Variants in RPS6KA6 observed in about 807,000 individuals in gnomAD.
The protein encoded by RPS6KA6 is ribosomal protein S6 kinase A6.
Under a neutral mutation model 65.4 loss-of-function variants are expected in RPS6KA6, and 27 were observed. The observed-to-expected ratio is 0.41, with a 90% confidence interval of 0.30 to 0.57. The LOEUF (loss-of-function observed/expected upper bound fraction) is 0.57. Ranked by LOEUF, RPS6KA6 falls within the 20% of genes least tolerant of loss-of-function variation. The pLI, the probability that RPS6KA6 is intolerant of heterozygous loss-of-function variation, is 0.24. For missense variants in RPS6KA6, 486 were observed against 555.6 expected (o/e 0.87, Z 1.26); for synonymous variants, 190 against 184.2 (o/e 1.03, Z -0.26).
In RPS6KA6 at chrX:84,156,056, G is replaced by C; in HGVS notation, c.258+19C>G. Reference sequence around the variant, plus strand: ...AATGTTTAGAAGAGGAACAAATGGGGAAAAAAATTATTCATTACCTTTCCA... The same window carrying C: ...AATGTTTAGAAGAGGAACAAATGGGCAAAAAAATTATTCATTACCTTTCCA... On this transcript the variant is annotated intron_variant, in intron 3 of 21. Coordinates refer to ENST00000262752, the MANE Select transcript of RPS6KA6 (RefSeq NM_014496.5). 1 of 987,135 alleles carries C rather than the reference G, an allele frequency of 1.0e-6. No homozygotes were observed. The highest frequency in any genetic ancestry group is 1.4e-6 in the Non-Finnish European group (1 of 696,651). 81.4% of individuals were successfully genotyped at this position (987,135 alleles called of 1,213,427 possible).
chrX:84,138,664 T>C (rs1401719076), intron 6 of RPS6KA6, among the ~76,000 whole-genome samples: 1 of 112,614 alleles, frequency 8.9e-6, no homozygotes, highest in Non-Finnish European at 1.9e-5. Flanking sequence ...GTGGCTTTAT[T>C]TGGAATTTTG....
intron 20 of RPS6KA6, among the ~76,000 whole-genome samples, chrX:84,067,562 G>A (rs1325387530): frequency 1.8e-5 from 2 of 111,754 alleles, no homozygotes; most frequent in African/African-American, 6.5e-5. Context: ...AAAACATGAA[G>A]ATTAGAGAAA....
At chrX:84,134,934 T>G (rs1413340144) in intron 7 of RPS6KA6, 115 bp from the exon 8 acceptor site, 1 of 610,366 alleles carries the variant, frequency 1.6e-6, no homozygotes, top group Non-Finnish European at 2.5e-6. Flanking sequence ...TGTAAAAAAT[T>G]TAAATGATTA....
chrX:84,150,055 C>A (rs771713354), intron 3 of RPS6KA6, among the ~76,000 whole-genome samples: 1 of 98,597 alleles, frequency 1.0e-5, no homozygotes, highest in African/African-American at 3.4e-5. Context: ...TTACCTTACA[C>A]TTTTATGTTA....
At chrX:84,064,859 TA>T in intron 21 of RPS6KA6, 111 bp downstream of exon 21, 2 of 571,573 alleles carry the variant, frequency 3.5e-6, no homozygotes, top group Non-Finnish European at 5.4e-6. Flanking sequence ...AATCTATCTT[TA>T]AAAAATAAAG....
chrX:84,163,161 A>T (rs962642973), intron 2 of RPS6KA6, among the ~76,000 whole-genome samples: 6 of 111,698 alleles, frequency 5.4e-5, no homozygotes, highest in Non-Finnish European at 3.8e-5. Flanking sequence ...TGTTCTCCTC[A>T]TCTTCTACTT....
intron 1 of RPS6KA6, among the ~76,000 whole-genome samples, chrX:84,186,401 G>A (rs749149390): frequency 1.8e-5 from 2 of 111,791 alleles, no homozygotes; most frequent in South Asian, 7.4e-4. Context: ...CTAGACAATT[G>A]TGCAAACAGT....
intron 8 of RPS6KA6, among the ~76,000 whole-genome samples, chrX:84,120,947 G>A (rs770614377): frequency 8.0e-5 from 9 of 112,031 alleles, no homozygotes; most frequent in South Asian, 3.7e-4. Flanking sequence ...GTGGGGTACC[G>A]GAAAAAGGTT....
At chrX:84,161,452 T>C (rs2035510325) in intron 2 of RPS6KA6, among the ~76,000 whole-genome samples, 1 of 111,429 alleles carries the variant, frequency 9.0e-6, no homozygotes, top group Admixed American at 9.6e-5. Flanking sequence ...AGGTTTCCAG[T>C]TTTTTAAGTA....
At position 84,084,855 on chromosome X, in the gene RPS6KA6, T is replaced by C. The variant is rs982937964; in HGVS notation, c.1971+11339A>G. Reference sequence around the variant, plus strand: ...CCTAACAATGAGCATGGGACGTTTTTCCATTTGTTTGTGTCCTAATTTCCA... The same window carrying C: ...CCTAACAATGAGCATGGGACGTTTTCCCATTTGTTTGTGTCCTAATTTCCA... On this transcript the variant is annotated intron_variant, in intron 20 of 21. Coordinates refer to ENST00000262752, the MANE Select transcript of RPS6KA6 (RefSeq NM_014496.5). 8.0e-5 allele frequency among the ~76,000 whole-genome samples: 9 copies of C among 112,132 alleles called. No homozygotes were observed. In the East Asian group the frequency reaches 2.5e-3, roughly 32 times the overall value.
At chrX:84,182,061 TCTCACA>T (rs1399203092) in intron 1 of RPS6KA6, among the ~76,000 whole-genome samples, 69 of 77,466 alleles carry the variant, frequency 8.9e-4, no homozygotes, top group Middle Eastern at 0.01. Flanking sequence ...TCTCTCTCTC[TCTCACA>T]CACACACACA....
chrX:84,151,945 G>T (rs2035334232), intron 3 of RPS6KA6, among the ~76,000 whole-genome samples: 1 of 111,217 alleles, frequency 9.0e-6, no homozygotes, highest in Non-Finnish European at 1.9e-5. Context: ...GGATTGTCCA[G>T]GGGTACGGAG....
At chrX:84,156,557 G>A (rs1325324579) in intron 2 of RPS6KA6, among the ~76,000 whole-genome samples, 4 of 110,890 alleles carry the variant, frequency 3.6e-5, no homozygotes, top group Non-Finnish European at 7.6e-5. Flanking sequence ...GTAAATTGTG[G>A]GGCATGACCA....
At chrX:84,167,361 AAAG>A (rs2147615423) in intron 1 of RPS6KA6, among the ~76,000 whole-genome samples, 1 of 112,330 alleles carries the variant, frequency 8.9e-6, no homozygotes, top group Non-Finnish European at 1.9e-5. Context: ...TCATCAATAA[AAAG>A]AAGAGAACTG....
rs1443834300 is a variant in RPS6KA6 at position 84,060,081 on chromosome X, A to C, written c.*4196T>G. ...ATATGATGGAATTCACTACACTGTA[A>C]GACTAAAACCAGGAACAGTGCATCC... On this transcript the variant is annotated 3_prime_UTR_variant, in exon 22 of 22. Coordinates refer to ENST00000262752, the MANE Select transcript of RPS6KA6 (RefSeq NM_014496.5). The C allele has an allele frequency of 2.7e-5, 3 of 111,706 alleles. No individual in the cohort carries two copies. Among genetic ancestry groups the C allele is most frequent in the African/African-American group, 9.7e-5 (3 of 30,847 alleles). The allele number at this position is 111,706 out of a possible 1,213,427, so 9.2% of individuals were successfully genotyped here.
At chrX:84,083,752 G>A (rs1330607635) in intron 20 of RPS6KA6, among the ~76,000 whole-genome samples, 3 of 112,014 alleles carry the variant, frequency 2.7e-5, no homozygotes, top group Admixed American at 9.5e-5. Flanking sequence ...TGGGATTGCT[G>A]GGTCAAATGG....
intron 9 of RPS6KA6, among the ~76,000 whole-genome samples, chrX:84,117,927 C>T (rs771771146): frequency 7.2e-5 from 8 of 110,651 alleles, no homozygotes; most frequent in Non-Finnish European, 1.1e-4. Context: ...GTAGAAGCAG[C>T]AGAACACACC....
intron 1 of RPS6KA6, 91 bp downstream of exon 1, chrX:84,187,728 C>T: frequency 1.1e-6 from 1 of 912,284 alleles, no homozygotes. Flanking sequence ...CGCTTCCCGG[C>T]CCTACGCCTC....
Position 84,120,698 on chromosome X carries a change from T to C in RPS6KA6, c.647-671A>G, listed in dbSNP as rs369079268. On this transcript the variant is annotated intron_variant, in intron 8 of 21. Coordinates refer to ENST00000262752, the MANE Select transcript of RPS6KA6 (RefSeq NM_014496.5). ...TGGGAAGTTATACCATGTTCATGAA[T>C]TGGACGATTTAATGTTGTTAAGGTA... Among the ~76,000 whole-genome samples, 11 of 111,728 alleles carry C rather than the reference T, an allele frequency of 9.8e-5. No individual in the cohort carries two copies. In the East Asian group the frequency reaches 2.8e-3, roughly 29 times the overall value.
Sources: allele counts gnomAD v4.1 joint callset (sites outside exome capture counted in the v4.1 genomes callset), GRCh38; gene constraint gnomAD v4.1.1; transcripts MANE v1.5; gene names NCBI Gene and HGNC (gene_info 2026-07-23, HGNC 2026-07-21).